The following PCSK6 variants were observed in gnomAD, a reference collection of about 807,000 sequenced individuals.
The protein encoded by PCSK6 is paired basic amino acid cleaving enzyme 4.
Under a neutral mutation model 123.3 loss-of-function variants are expected in PCSK6, and 85 were observed. The ratio of observed to expected loss-of-function variants is 0.69; its 90% confidence interval spans 0.58 to 0.83. PCSK6 has a LOEUF of 0.83. PCSK6 is among the 40% of genes least tolerant of loss of function. PCSK6 has a pLI of 0.00. For missense variants in PCSK6, 1,191 were observed against 1,282.3 expected, an observed-to-expected ratio of 0.93 and a Z score of 1.09; for synonymous variants, 508 against 516.0, an observed-to-expected ratio of 0.98 and a Z score of 0.21.
At chr15:101,367,898 C>T (rs917547953) in intron 12 of PCSK6, among the ~76,000 whole-genome samples, 1 of 152,204 alleles carries the variant, frequency 6.6e-6, no homozygotes, top group African/African-American at 2.4e-5. Context: ...GACCTCAGCT[C>T]ACTGCAACCT....
chr15:101,346,621 C>T (rs1466060896), intron 13 of PCSK6: 4 of 492,054 alleles, frequency 8.1e-6, no homozygotes, highest in South Asian at 1.1e-4. Flanking sequence ...GCCAGAATGC[C>T]GAACCATGCA....
chr15:101,358,589 G>T (rs1221504413), intron 13 of PCSK6, among the ~76,000 whole-genome samples: 1 of 152,192 alleles, frequency 6.6e-6, no homozygotes, highest in East Asian at 1.9e-4. Flanking sequence ...CACATGGCAG[G>T]ACCTCTGCAA....
At chr15:101,392,290 G>A (rs2042254416) in intron 8 of PCSK6, among the ~76,000 whole-genome samples, 1 of 152,238 alleles carries the variant, frequency 6.6e-6, no homozygotes, top group African/African-American at 2.4e-5. Context: ...TAATACCTTA[G>A]TTAACCAGGC....
intron 19 of PCSK6, among the ~76,000 whole-genome samples, chr15:101,315,995 C>A (rs947664464): frequency 1.3e-5 from 2 of 152,228 alleles, no homozygotes; most frequent in Non-Finnish European, 2.9e-5. Context: ...TCATGCCTGA[C>A]TCCGACCCTC....
At chr15:101,449,080 C>T (rs7181679) in intron 1 of PCSK6, among the ~76,000 whole-genome samples, 52,863 of 151,914 alleles carry the variant, frequency 0.35, 9,660 homozygotes, top group Non-Finnish European at 0.41. Flanking sequence ...TACAGTCATG[C>T]CTTGGCATCC....
At chr15:101,412,713 A>ATATATATATATATATATATATATATAT (rs201205244) in intron 6 of PCSK6, among the ~76,000 whole-genome samples, 20 of 112,630 alleles carry the variant, frequency 1.8e-4, no homozygotes, top group Non-Finnish European at 2.3e-4. Context: ...ATATATATAT[A>ATATATATATATATATATATATATATAT]AAATTACCCA....
intron 1 of PCSK6, among the ~76,000 whole-genome samples, chr15:101,482,845 T>G (rs1258736753): frequency 2.0e-5 from 3 of 152,202 alleles, no homozygotes; most frequent in Non-Finnish European, 4.4e-5. Context: ...ATTCTGAGTC[T>G]GCCCTGGATG....
chr15:101,465,128 G>A (rs2057427054), intron 1 of PCSK6, among the ~76,000 whole-genome samples: 1 of 152,218 alleles, frequency 6.6e-6, no homozygotes, highest in Non-Finnish European at 1.5e-5. Context: ...CAATGACGGG[G>A]AGGCTGGGAC....
intron 9 of PCSK6, among the ~76,000 whole-genome samples, chr15:101,386,115 C>G (rs926607901): frequency 6.6e-6 from 1 of 152,018 alleles, no homozygotes; most frequent in South Asian, 2.1e-4. Context: ...TTACTAGGAA[C>G]GCACACCGTG....
intron 13 of PCSK6, among the ~76,000 whole-genome samples, chr15:101,339,540 C>A (rs1183560743): frequency 6.6e-6 from 1 of 152,158 alleles, no homozygotes; most frequent in Admixed American, 6.5e-5. Flanking sequence ...ACTGAATACT[C>A]CTATAATTTA....
intron 1 of PCSK6, among the ~76,000 whole-genome samples, chr15:101,454,389 T>C (rs1457110671): frequency 6.6e-6 from 1 of 152,094 alleles, no homozygotes. Flanking sequence ...CTGTGGCTGG[T>C]TGAGTGGATC....
intron 20 of PCSK6, among the ~76,000 whole-genome samples, chr15:101,310,688 C>T (rs2039836478): frequency 6.6e-6 from 1 of 152,176 alleles, no homozygotes; most frequent in South Asian, 2.1e-4. Context: ...GGTCCCTCTG[C>T]TGTGGGTCAG....
At chr15:101,437,991 G>C (rs1455081869) in intron 2 of PCSK6, among the ~76,000 whole-genome samples, 1 of 152,160 alleles carries the variant, frequency 6.6e-6, no homozygotes, top group Admixed American at 6.5e-5. Flanking sequence ...TCTGGCCAGT[G>C]TCCCATGAGA....
intron 13 of PCSK6, among the ~76,000 whole-genome samples, chr15:101,332,936 C>T (rs893188426): frequency 2.6e-5 from 4 of 152,190 alleles, no homozygotes; most frequent in African/African-American, 9.7e-5. Context: ...GTTTGACTTA[C>T]AATTTTTTGA....
chr15:101,461,881 T>C (rs149602909), intron 1 of PCSK6, among the ~76,000 whole-genome samples: 2 of 152,308 alleles, frequency 1.3e-5, no homozygotes, highest in African/African-American at 4.8e-5. Flanking sequence ...GTGGAAACCC[T>C]GAAAGCACTC....
At chr15:101,315,961 T>G (rs981899329) in intron 19 of PCSK6, among the ~76,000 whole-genome samples, 2 of 152,150 alleles carry the variant, frequency 1.3e-5, no homozygotes, top group Non-Finnish European at 2.9e-5. Flanking sequence ...GGGGACAGAT[T>G]CCGCCATGCC....
chr15:101,373,190 C>T (rs866050536), intron 11 of PCSK6, among the ~76,000 whole-genome samples: 5 of 152,098 alleles, frequency 3.3e-5, no homozygotes, highest in African/African-American at 7.2e-5. Flanking sequence ...TGTGATCCTC[C>T]GCCAGCCCCG....
At chr15:101,440,345 A>T (rs1253521230) in intron 2 of PCSK6, among the ~76,000 whole-genome samples, 1 of 152,268 alleles carries the variant, frequency 6.6e-6, no homozygotes, top group African/African-American at 2.4e-5. Flanking sequence ...TGACTGTACC[A>T]TTCCGGTACA....
intron 13 of PCSK6, among the ~76,000 whole-genome samples, chr15:101,355,591 C>A (rs942796930): frequency 2.0e-5 from 3 of 152,252 alleles, no homozygotes; most frequent in African/African-American, 7.2e-5. Context: ...GCCTACCCAG[C>A]AGACCCGGCA....
Sources: allele counts gnomAD v4.1 joint callset (sites outside exome capture counted in the v4.1 genomes callset), GRCh38; gene constraint gnomAD v4.1.1; transcripts MANE v1.5; gene names NCBI Gene and HGNC (gene_info 2026-07-23, HGNC 2026-07-21).